The following ADAMTS17 variants were observed in gnomAD, a reference collection of about 807,000 sequenced individuals.
The protein encoded by ADAMTS17 is ADAM metallopeptidase with thrombospondin type 1 motif 17, also known as A disintegrin and metalloproteinase with thrombospondin motifs 17.
ADAMTS17 carries 113 observed loss-of-function variants against 141.5 expected under a neutral mutation model. The observed-to-expected ratio is 0.80, with a 90% CI of 0.69 to 0.93. ADAMTS17 has a LOEUF of 0.93. Ranked by LOEUF, ADAMTS17 falls within the 40% of genes least tolerant of loss-of-function variation. ADAMTS17 has a pLI of 0.00. For synonymous variants in ADAMTS17, 768 were observed against 630.6 expected (o/e 1.22, Z -3.27); for missense variants, 1,659 against 1,517.9 (o/e 1.09, Z -1.54).
At chr15:100,111,345 C>A (rs1220342974) in intron 13 of ADAMTS17, among the ~76,000 whole-genome samples, 1 of 152,232 alleles carries the variant, frequency 6.6e-6, no homozygotes, top group Admixed American at 6.5e-5. Context: ...ACTCATTTCC[C>A]GTGCTGGCAG....
chr15:100,319,709 C>A (rs1032377877), intron 3 of ADAMTS17, among the ~76,000 whole-genome samples: 9 of 151,500 alleles, frequency 5.9e-5, no homozygotes, highest in Non-Finnish European at 8.8e-5. Context: ...GACTCCATCT[C>A]GAGAAAAAGA....
chr15:100,158,442 T>C (rs2039537132), intron 8 of ADAMTS17, among the ~76,000 whole-genome samples: 1 of 152,216 alleles, frequency 6.6e-6, no homozygotes, highest in South Asian at 2.1e-4. Context: ...TTAACTGTAT[T>C]TCACAGTGGT....
intron 18 of ADAMTS17, among the ~76,000 whole-genome samples, chr15:100,007,215 C>A (rs572796670): frequency 4.6e-5 from 7 of 152,202 alleles, no homozygotes; most frequent in Non-Finnish European, 7.3e-5. Context: ...AGCATTCAGA[C>A]GGAGGGAGCC....
rs144100525 is a variant in ADAMTS17, at chr15:100,290,089, C to T, written c.617-8688G>A. 3.4e-3 allele frequency among the ~76,000 whole-genome samples: 511 copies of T among 152,116 alleles called. 5 individuals carry two copies. Among genetic ancestry groups the T allele is most frequent in the African/African-American group, 0.012 (479 of 41,482 alleles). On this transcript the variant is annotated intron_variant, in intron 3 of 21. Coordinates refer to ENST00000268070, the MANE Select transcript of ADAMTS17 (RefSeq NM_139057.4). ...AAGTCAAACCATCTCTGCTTGCAGA[C>T]GTTATGATTTTACAACTAGAAATCC...
At chr15:100,049,099 G>A in intron 17 of ADAMTS17, 107 bp from the exon 18 acceptor site, 1 of 1,541,602 alleles carries the variant, frequency 6.5e-7, no homozygotes. Context: ...ATGGTCACTT[G>A]GTCATTTAAA....
chr15:100,312,281 C>G (rs112447741), intron 3 of ADAMTS17, among the ~76,000 whole-genome samples: 1 of 152,104 alleles, frequency 6.6e-6, no homozygotes, highest in Non-Finnish European at 1.5e-5. Context: ...GTCAGAGTGA[C>G]GCAGTGTGAA....
intron 8 of ADAMTS17, among the ~76,000 whole-genome samples, chr15:100,182,858 A>G (rs2141540252): frequency 6.6e-6 from 1 of 152,226 alleles, no homozygotes; most frequent in African/African-American, 2.4e-5. Flanking sequence ...AGCTTATCCT[A>G]TTTGGGATTC....
chr15:100,014,249 A>G (rs1257875441), intron 18 of ADAMTS17, among the ~76,000 whole-genome samples: 2 of 152,064 alleles, frequency 1.3e-5, no homozygotes, highest in Non-Finnish European at 2.9e-5. Flanking sequence ...TTTATTTCTT[A>G]ATGAGGTTAT....
At chr15:100,054,300 T>G (rs1157941871) in intron 15 of ADAMTS17, among the ~76,000 whole-genome samples, 1 of 152,106 alleles carries the variant, frequency 6.6e-6, no homozygotes, top group Non-Finnish European at 1.5e-5. Flanking sequence ...ATGGGCACCT[T>G]TCAGCCTGGG....
intron 12 of ADAMTS17, among the ~76,000 whole-genome samples, chr15:100,121,176 G>GA (rs1463329579): frequency 6.6e-6 from 1 of 152,022 alleles, no homozygotes; most frequent in East Asian, 1.9e-4. Context: ...GAAGTAAAAA[G>GA]AAAAAAATGT....
chr15:100,020,231 C>A (rs1047268466), intron 18 of ADAMTS17, among the ~76,000 whole-genome samples: 2 of 152,192 alleles, frequency 1.3e-5, no homozygotes. Context: ...ATTCCACCCC[C>A]GCTGCTGCTC....
intron 18 of ADAMTS17, among the ~76,000 whole-genome samples, chr15:100,015,812 C>T (rs1157935527): frequency 6.6e-6 from 1 of 152,194 alleles, no homozygotes; most frequent in Non-Finnish European, 1.5e-5. Context: ...TTTCCTTCAT[C>T]TTAACTTTAG....
chr15:100,322,479 A>C (rs1286533928), intron 3 of ADAMTS17, among the ~76,000 whole-genome samples: 1 of 152,254 alleles, frequency 6.6e-6, no homozygotes, highest in Non-Finnish European at 1.5e-5. Context: ...TACTCTCCAG[A>C]GTAATAGAAT....
chr15:100,310,209 T>C (rs2045358027), intron 3 of ADAMTS17, among the ~76,000 whole-genome samples: 1 of 151,848 alleles, frequency 6.6e-6, no homozygotes, highest in Non-Finnish European at 1.5e-5. Flanking sequence ...CCAAACACCA[T>C]TCAGATGATA....
intron 7 of ADAMTS17, among the ~76,000 whole-genome samples, chr15:100,217,747 A>G (rs1352491556): frequency 2.6e-5 from 4 of 152,256 alleles, no homozygotes; most frequent in Non-Finnish European, 2.9e-5. Context: ...AAGAAAGTGA[A>G]AAGGTTCCCA....
intron 10 of ADAMTS17, among the ~76,000 whole-genome samples, chr15:100,139,988 T>A (rs993824982): frequency 6.6e-6 from 1 of 152,120 alleles, no homozygotes; most frequent in African/African-American, 2.4e-5. Flanking sequence ...AAGATTTTTT[T>A]ATTTTTGTTT....
chr15:100,163,655 A>C lies in ADAMTS17; in HGVS notation c.1182-8335T>G, dbSNP rs183922092. ...TGCACGCCACCACGCTTGGCTAGTG[A>C]AGTTTAAATTCTATCTGATGCTCTA... On this transcript the variant is annotated intron_variant, in intron 8 of 21. Coordinates refer to ENST00000268070, the MANE Select transcript of ADAMTS17 (RefSeq NM_139057.4). 6.6e-5 allele frequency among the ~76,000 whole-genome samples: 10 copies of C among 152,254 alleles called. No homozygotes were observed. In the East Asian group the frequency reaches 1.9e-3, roughly 29 times the overall value.
chr15:100,045,632 C>G lies in ADAMTS17; in HGVS notation c.2591+3225G>C, dbSNP rs148564828. Among the ~76,000 whole-genome samples, 307 of 152,292 alleles carry G rather than the reference C, an allele frequency of 2.0e-3. 2 individuals are homozygous for G. Among genetic ancestry groups the G allele is most frequent in the African/African-American group, 7.0e-3 (292 of 41,576 alleles). ...ATATATGCAGAATTTGGGAGTCACT[C>G]TCTGTGGCTCCCTCCTTTCTGGAGT... On this transcript the variant is annotated intron_variant, in intron 18 of 21. Coordinates refer to ENST00000268070, the MANE Select transcript of ADAMTS17 (RefSeq NM_139057.4).
intron 15 of ADAMTS17, among the ~76,000 whole-genome samples, chr15:100,081,629 G>A (rs139234255): frequency 3.9e-5 from 6 of 152,304 alleles, no homozygotes; most frequent in African/African-American, 1.2e-4. Context: ...GAGAATCACT[G>A]AGACAAACAC....
Sources: allele counts gnomAD v4.1 joint callset (sites outside exome capture counted in the v4.1 genomes callset), GRCh38; gene constraint gnomAD v4.1.1; transcripts MANE v1.5; gene names NCBI Gene and HGNC (gene_info 2026-07-23, HGNC 2026-07-21).